Variants in MYRFL observed in about 807,000 individuals in gnomAD.
MYRFL encodes the protein myelin regulatory factor like, also known as myelin regulatory factor-like protein.
In MYRFL, 88 loss-of-function variants were observed where a neutral mutation model predicts 109.4. The observed-to-expected ratio is 0.80, with a 90% confidence interval of 0.68 to 0.96. The LOEUF is 0.96. Among genes scored for constraint, MYRFL ranks in the 40% least tolerant of loss-of-function variants. The probability of loss-of-function intolerance (pLI) is 0.00; values close to 1 mark genes in which losing one functional copy is unlikely to be tolerated. For synonymous variants in MYRFL, 324 were observed against 320.9 expected (o/e 1.01, Z -0.10); for missense variants, 957 against 954.9 (o/e 1.00, Z -0.03).
At chr12:69,837,042 T>TA (rs1261400476) in intron 1 of MYRFL, among the ~76,000 whole-genome samples, 50 of 148,536 alleles carry the variant, frequency 3.4e-4, no homozygotes, top group South Asian at 2.4e-3. Flanking sequence ...TTCACACATT[T>TA]AAAAAAAAAA....
chr12:69,957,516 A>G (rs1295980197), intron 22 of MYRFL, among the ~76,000 whole-genome samples: 1 of 152,206 alleles, frequency 6.6e-6, no homozygotes, highest in South Asian at 2.1e-4. Flanking sequence ...GCTTGAGCCC[A>G]GGAGTTGGAA....
intron 1 of MYRFL, among the ~76,000 whole-genome samples, chr12:69,827,600 G>T (rs958845539): frequency 6.6e-6 from 1 of 151,984 alleles, no homozygotes; most frequent in Admixed American, 6.6e-5. Context: ...TCAAAAAAAA[G>T]GTTGTCATAA....
intron 11 of MYRFL, among the ~76,000 whole-genome samples, chr12:69,909,377 C>A (rs1157212836): frequency 4.6e-5 from 7 of 152,104 alleles, no homozygotes; most frequent in Admixed American, 1.3e-4. Flanking sequence ...ACAACAATAA[C>A]AAAATATGTT....
At chr12:69,935,362 C>G (rs1748175355) in intron 16 of MYRFL, among the ~76,000 whole-genome samples, 1 of 151,838 alleles carries the variant, frequency 6.6e-6, no homozygotes, top group African/African-American at 2.4e-5. Flanking sequence ...AGCAGACTTT[C>G]TGTGTGACTT....
At chr12:69,938,121 T>C (rs1291683059) in intron 19 of MYRFL, among the ~76,000 whole-genome samples, 1 of 152,212 alleles carries the variant, frequency 6.6e-6, no homozygotes, top group African/African-American at 2.4e-5. Context: ...ACTAAAAACT[T>C]CATTTTAAAG....
chr12:69,932,591 G>C lies in MYRFL; in HGVS notation c.1909G>C (p.Ala637Pro). 6.5e-7 allele frequency: 1 copy of C among 1,535,338 alleles called. No homozygotes were observed. The highest frequency in any genetic ancestry group is 8.7e-7 in the Non-Finnish European group (1 of 1,146,266). The stretch of plus-strand genomic sequence containing the variant: ...GGTTATAACTCTGATTGCTGTGATG[G>C]CATTTTGGTAAGAAAAAGTTCACTG... Reference protein sequence around the residue: ...TLVITLIAVMAFCALTIVALY... With the variant: ...TLVITLIAVMPFCALTIVALY... Residue 637 changes from alanine (A) to proline (P), a missense_variant, in exon 16 of 25, where the codon GCA becomes CCA. Transcript: ENST00000552032.
chr12:69,826,759 C>T (rs931831170), intron 1 of MYRFL, among the ~76,000 whole-genome samples: 2 of 152,014 alleles, frequency 1.3e-5, no homozygotes, highest in Non-Finnish European at 2.9e-5. Context: ...AGGTGGTAGA[C>T]TTCACAAATT....
intron 14 of MYRFL, among the ~76,000 whole-genome samples, chr12:69,927,009 A>G (rs1017272259): frequency 8.3e-6 from 1 of 120,934 alleles, no homozygotes; most frequent in African/African-American, 3.2e-5. Context: ...CAATGGCACA[A>G]TCTTGGCTCA....
chr12:69,924,078 A>G lies in MYRFL; in HGVS notation c.1603-2493A>G, dbSNP rs534714979. ...GTGGTGGGCACCTGTAGTCCCAGCT[A>G]CTCAGGAGGCTGAGGCAAGAGAATG... On this transcript the variant is annotated intron_variant, in intron 13 of 24. Transcript: ENST00000552032. Among the ~76,000 whole-genome samples, 99 of 151,460 alleles carry G rather than the reference A, an allele frequency of 6.5e-4. 1 individual carries two copies. The highest frequency in any genetic ancestry group is 2.1e-3 in the African/African-American group (86 of 41,238).
chr12:69,947,230 G>A (rs1273833887), intron 19 of MYRFL: 1 of 152,202 alleles, frequency 6.6e-6, no homozygotes, highest in Non-Finnish European at 1.5e-5. Flanking sequence ...AAAGCTCTCA[G>A]TGGGATGCAG....
chr12:69,854,911 T>C (rs11177905), intron 1 of MYRFL, among the ~76,000 whole-genome samples: 25 of 152,336 alleles, frequency 1.6e-4, no homozygotes, highest in African/African-American at 5.8e-4. Flanking sequence ...TATTTTATTC[T>C]ATAAAAATAT....
intron 1 of MYRFL, among the ~76,000 whole-genome samples, chr12:69,844,594 C>T (rs1470735479): frequency 2.0e-5 from 3 of 152,194 alleles, no homozygotes; most frequent in South Asian, 2.1e-4. Flanking sequence ...GGGCACGGGG[C>T]GGTCGTGAGA....
intron 19 of MYRFL, among the ~76,000 whole-genome samples, chr12:69,940,625 C>T (rs1955612543): frequency 2.0e-5 from 3 of 152,156 alleles, no homozygotes; most frequent in African/African-American, 2.4e-5. Context: ...ACTGCATCAA[C>T]TAACGAGCAA....
chr12:69,844,485 A>G (rs879375122), intron 1 of MYRFL, among the ~76,000 whole-genome samples: 2 of 152,220 alleles, frequency 1.3e-5, no homozygotes, highest in African/African-American at 4.8e-5. Context: ...TCTTCCCTCC[A>G]TCTGCTTCTG....
At chr12:69,910,614 C>G (rs1040594473) in intron 12 of MYRFL, among the ~76,000 whole-genome samples, 6 of 148,484 alleles carry the variant, frequency 4.0e-5, no homozygotes, top group African/African-American at 1.0e-4. Flanking sequence ...CTTACCTCCC[C>G]CCTGTTGGCC....
At chr12:69,952,668 A>G (rs967157543) in intron 20 of MYRFL, 131 bp from the exon 21 acceptor site, 4 of 632,166 alleles carry the variant, frequency 6.3e-6, no homozygotes, top group Admixed American at 6.9e-5. Flanking sequence ...TTCCATTTGA[A>G]TACAAATGGA....
chr12:69,928,756 AG>A (rs1054324711), intron 15 of MYRFL, among the ~76,000 whole-genome samples: 1 of 152,196 alleles, frequency 6.6e-6, no homozygotes, highest in Non-Finnish European at 1.5e-5. Context: ...AATTAGGATT[AG>A]GGGAGCTAAA....
At position 69,868,475 on chromosome 12, in the gene MYRFL, T is replaced by TG. The variant is rs535868032; in HGVS notation, c.138-10551dup. ...ATGGTACCTTTTCATATGAGAGTTG[T>TG]GGAGGTTAAATGAGACACACATGCA... On this transcript the variant is annotated intron_variant, in intron 2 of 24. Coordinates refer to ENST00000552032, the MANE Select transcript of MYRFL (RefSeq NM_182530.3). Among the ~76,000 whole-genome samples, 4 of 152,162 alleles carry TG rather than the reference T, an allele frequency of 2.6e-5. No homozygotes were observed. In the South Asian group the frequency reaches 8.3e-4, roughly 32 times the overall value.
intron 2 of MYRFL, among the ~76,000 whole-genome samples, chr12:69,861,672 T>C (rs1228613633): frequency 2.7e-4 from 41 of 152,224 alleles, no homozygotes; most frequent in African/African-American, 7.5e-4. Flanking sequence ...GAATAGGTTG[T>C]GAAAATTTTC....
Sources: allele counts gnomAD v4.1 joint callset (sites outside exome capture counted in the v4.1 genomes callset), GRCh38; gene constraint gnomAD v4.1.1; transcripts MANE v1.5; gene names NCBI Gene and HGNC (gene_info 2026-07-23, HGNC 2026-07-21).